Variants in MCUB observed in about 807,000 individuals in gnomAD.
The protein encoded by MCUB is mitochondrial calcium uniporter dominant negative subunit beta.
MCUB carries 46 observed loss-of-function variants against 41.4 expected under a neutral mutation model. The observed-to-expected ratio is 1.11, with a 90% confidence interval of 0.88 to 1.42. MCUB has a LOEUF of 1.42. Among genes scored for constraint, MCUB ranks in the 40% most tolerant of loss-of-function variants. The probability of loss-of-function intolerance (pLI) is 0.00; values close to 1 mark genes in which losing one functional copy is unlikely to be tolerated. For synonymous variants in MCUB, 148 were observed against 148.2 expected (o/e 1.00, Z 0.01); for missense variants, 403 against 404.9 (o/e 1.00, Z 0.04).
intron 1 of MCUB, among the ~76,000 whole-genome samples, chr4:109,598,656 C>A (rs114760325): frequency 1.5e-3 from 222 of 152,208 alleles, no homozygotes; most frequent in African/African-American, 5.2e-3. Flanking sequence ...GATTTCAAAG[C>A]TTCCCAAATT....
chr4:109,657,803 G>A (rs1025378123), intron 1 of MCUB, among the ~76,000 whole-genome samples: 3 of 152,208 alleles, frequency 2.0e-5, no homozygotes, highest in African/African-American at 7.2e-5. Context: ...AACATGTTCC[G>A]TGGTGAGGTG....
intron 1 of MCUB, among the ~76,000 whole-genome samples, chr4:109,593,903 G>A (rs1447508050): frequency 6.6e-6 from 1 of 152,160 alleles, no homozygotes; most frequent in African/African-American, 2.4e-5. Flanking sequence ...CAGAATTTAA[G>A]TCTGTGTAAA....
chr4:109,657,424 C>T (rs1011064580), intron 1 of MCUB, among the ~76,000 whole-genome samples: 5 of 151,972 alleles, frequency 3.3e-5, no homozygotes, highest in African/African-American at 9.7e-5. Context: ...TTTGAAACAG[C>T]GAACACACTT....
chr4:109,620,525 G>A (rs1031235501), intron 1 of MCUB, among the ~76,000 whole-genome samples: 3 of 149,622 alleles, frequency 2.0e-5, no homozygotes, highest in African/African-American at 7.4e-5. Context: ...ACAGGAGAAG[G>A]TAGTAGAAGA....
At chr4:109,609,178 C>G (rs1727946539) in intron 1 of MCUB, among the ~76,000 whole-genome samples, 1 of 152,142 alleles carries the variant, frequency 6.6e-6, no homozygotes, top group African/African-American at 2.4e-5. Context: ...GGATCTTGTG[C>G]AAGAAATAAT....
At chr4:109,610,943 G>A (rs1487010538) in intron 1 of MCUB, among the ~76,000 whole-genome samples, 1 of 152,170 alleles carries the variant, frequency 6.6e-6, no homozygotes, top group East Asian at 1.9e-4. Flanking sequence ...ATAGGCCTGT[G>A]ATGAGAATCA....
At chr4:109,682,536 G>T in intron 4 of MCUB, 46 bp from the exon 5 acceptor site, 1 of 1,519,210 alleles carries the variant, frequency 6.6e-7, no homozygotes. Context: ...CACACCCTGC[G>T]GGAACAATGT....
At chr4:109,677,890 TAATAGTGGAGAG>T (rs553082641) in intron 4 of MCUB, among the ~76,000 whole-genome samples, 271 of 143,374 alleles carry the variant, frequency 1.9e-3, no homozygotes, top group African/African-American at 6.9e-3. Context: ...GGTCATAGGA[TAATAGTGGAGAG>T]AAGGTCAGCA....
intron 5 of MCUB, among the ~76,000 whole-genome samples, chr4:109,684,038 G>A (rs1268598089): frequency 2.6e-5 from 4 of 151,276 alleles, no homozygotes; most frequent in South Asian, 2.1e-4. Flanking sequence ...TAATGCAGAT[G>A]TGCATTTGTT....
chr4:109,620,160 T>C (rs1728223434), intron 1 of MCUB, among the ~76,000 whole-genome samples: 1 of 152,138 alleles, frequency 6.6e-6, no homozygotes, highest in African/African-American at 2.4e-5. Flanking sequence ...CTCGTTTTGC[T>C]TACAGGCACA....
intron 1 of MCUB, among the ~76,000 whole-genome samples, chr4:109,614,700 C>T (rs1180514943): frequency 6.6e-6 from 1 of 150,836 alleles, no homozygotes. Context: ...CTTGTTTTTG[C>T]ATTTCCCCAC....
chr4:109,663,970 G>A (rs1175351635), intron 3 of MCUB, among the ~76,000 whole-genome samples: 3 of 152,162 alleles, frequency 2.0e-5, no homozygotes, highest in Non-Finnish European at 2.9e-5. Flanking sequence ...GCTGTGAAGG[G>A]TTTCCACCTC....
chr4:109,659,115 A>T (rs1333471970), intron 2 of MCUB, 29 bp downstream of exon 2: 1 of 1,186,168 alleles, frequency 8.4e-7, no homozygotes, highest in Non-Finnish European at 1.2e-6. Flanking sequence ...TATTTGATTC[A>T]TATGTTAATT....
Position 109,660,381 on chromosome 4 carries a change from A to G in MCUB, c.346+16A>G. ...TTCACAGCAGGTATATATGTATATA[A>G]TTTTACAACTTTGTCCCAGGGTTTC... On this transcript the variant is annotated intron_variant, in intron 3 of 7. Transcript: ENST00000394650. 6.7e-7 allele frequency: 1 copy of G among 1,492,884 alleles called. No individual in the cohort carries two copies. Among genetic ancestry groups the G allele is most frequent in the East Asian group, 2.3e-5 (1 of 43,302 alleles). 92.5% of individuals were successfully genotyped at this position (1,492,884 alleles called of 1,614,324 possible). A position where few individuals can be genotyped will look rare whatever the true frequency, so the allele number is the denominator to read the frequency against.
chr4:109,631,655 T>C (rs1187301968), intron 1 of MCUB, among the ~76,000 whole-genome samples: 1 of 152,196 alleles, frequency 6.6e-6, no homozygotes, highest in Non-Finnish European at 1.5e-5. Context: ...CTTTGTGATA[T>C]TGGAGTTGGA....
At chr4:109,581,769 C>T (rs1043665781) in intron 1 of MCUB, among the ~76,000 whole-genome samples, 1 of 152,138 alleles carries the variant, frequency 6.6e-6, no homozygotes, top group Non-Finnish European at 1.5e-5. Flanking sequence ...CCAAAAAACA[C>T]ATGAAAAAAT....
intron 4 of MCUB, among the ~76,000 whole-genome samples, chr4:109,680,265 C>T (rs1431124287): frequency 1.3e-5 from 2 of 152,202 alleles, no homozygotes; most frequent in South Asian, 2.1e-4. Flanking sequence ...GTTTATTTCT[C>T]TTCTGGATAG....
chr4:109,658,873 C>G, intron 1 of MCUB, 138 bp from the exon 2 acceptor site: 1 of 647,166 alleles, frequency 1.5e-6, no homozygotes, highest in South Asian at 1.8e-5. Context: ...AGGGCTCACC[C>G]TGGGATGCAT....
At position 109,612,881 on chromosome 4, in the gene MCUB, C is replaced by T. The variant is rs549658630; in HGVS notation, c.100-46130C>T. Among the ~76,000 whole-genome samples the T allele has an allele frequency of 3.4e-3, 518 of 152,178 alleles. 4 individuals are homozygous for T. Among genetic ancestry groups the T allele is most frequent in the Admixed American group, 2.4e-3 (36 of 15,292 alleles). ...CAGCACTTTGGGAGGCCAAGGCGGG[C>T]GGATCACAAGGTCAGGAGATCAAGA... is the stretch of plus-strand genomic sequence containing the variant. On this transcript the variant is annotated intron_variant, in intron 1 of 7. Coordinates refer to ENST00000394650, the MANE Select transcript of MCUB (RefSeq NM_017918.5).
Sources: allele counts gnomAD v4.1 joint callset (sites outside exome capture counted in the v4.1 genomes callset), GRCh38; gene constraint gnomAD v4.1.1; transcripts MANE v1.5; gene names NCBI Gene and HGNC (gene_info 2026-07-23, HGNC 2026-07-21).